KCNIP4: variants seen among roughly 807,000 people sequenced by gnomAD.
The protein encoded by KCNIP4 is potassium voltage-gated channel interacting protein 4, also known as Kv channel-interacting protein 4.
In KCNIP4, 12 loss-of-function variants were observed where a neutral mutation model predicts 34.0. That is an observed-to-expected ratio of 0.35 (90% confidence interval 0.23 to 0.57). The LOEUF (loss-of-function observed/expected upper bound fraction) is 0.57, where lower values mean the gene tolerates loss of function less well. KCNIP4 is among the 20% of genes least tolerant of loss of function. The pLI is 0.83. For synonymous variants in KCNIP4, 124 were observed against 102.2 expected, an observed-to-expected ratio of 1.21 and a Z score of -1.29; for missense variants, 238 against 311.7, an observed-to-expected ratio of 0.76 and a Z score of 1.78.
chr4:20,761,548 A>G (rs1312401910), intron 3 of KCNIP4, among the ~76,000 whole-genome samples: 1 of 152,176 alleles, frequency 6.6e-6, no homozygotes, highest in Non-Finnish European at 1.5e-5. Flanking sequence ...GTAAGGAGAG[A>G]GTAAATACCT....
intron 1 of KCNIP4, among the ~76,000 whole-genome samples, chr4:21,618,734 G>A (rs1224623352): frequency 1.4e-5 from 2 of 144,716 alleles, no homozygotes; most frequent in African/African-American, 5.1e-5. Context: ...CCGGGTGCAC[G>A]CCATTCTCCT....
At chr4:21,560,363 A>G (rs1168053572) in intron 1 of KCNIP4, among the ~76,000 whole-genome samples, 5 of 152,114 alleles carry the variant, frequency 3.3e-5, no homozygotes. Context: ...TTTGCAATTG[A>G]GCCTTATTAA....
chr4:21,035,178 G>C lies in KCNIP4; in HGVS notation c.62-152469C>G, dbSNP rs889118626. ...TCATTTCTGATCTAAATTGCTAGTT[G>C]GTTCTTATTTTAATCTTAAATACAC... is the stretch of plus-strand genomic sequence containing the variant. On this transcript the variant is annotated intron_variant, in intron 1 of 8. Coordinates refer to ENST00000382152, the MANE Select transcript of KCNIP4 (RefSeq NM_025221.6). Among the ~76,000 whole-genome samples, 3 of 152,110 alleles carry C rather than the reference G, an allele frequency of 2.0e-5. 1 individual carries two copies. Among genetic ancestry groups the C allele is most frequent in the South Asian group, 4.1e-4 (2 of 4,830 alleles).
chr4:21,357,747 GA>G (rs1239252992), intron 1 of KCNIP4, among the ~76,000 whole-genome samples: 2 of 152,298 alleles, frequency 1.3e-5, no homozygotes, highest in East Asian at 3.9e-4. Context: ...CAACCATTGT[GA>G]AAGACAGTGT....
At chr4:21,661,118 T>G (rs1748417235) in intron 1 of KCNIP4, among the ~76,000 whole-genome samples, 1 of 152,150 alleles carries the variant, frequency 6.6e-6, no homozygotes, top group South Asian at 2.1e-4. Flanking sequence ...GAAGTTCTTC[T>G]GGGACGACAG....
intron 1 of KCNIP4, among the ~76,000 whole-genome samples, chr4:21,907,239 G>A (rs374559238): frequency 7.0e-4 from 106 of 152,170 alleles, no homozygotes; most frequent in African/African-American, 2.2e-3. Context: ...ATGAGTTCTC[G>A]CTCTTGCAGG....
At chr4:21,351,792 G>T (rs73102139) in intron 1 of KCNIP4, among the ~76,000 whole-genome samples, 80 of 152,076 alleles carry the variant, frequency 5.3e-4, no homozygotes, top group Admixed American at 4.5e-3. Flanking sequence ...CAAGGACAAA[G>T]GTCCCAGAAG....
At chr4:20,731,499 A>G (rs1359456585) in intron 8 of KCNIP4, 2 of 984,796 alleles carry the variant, frequency 2.0e-6, no homozygotes, top group East Asian at 2.3e-4. Context: ...TCCACTGTTT[A>G]TTTTTTGTGA....
At chr4:21,001,009 T>A (rs996796433) in intron 1 of KCNIP4, among the ~76,000 whole-genome samples, 2 of 152,224 alleles carry the variant, frequency 1.3e-5, no homozygotes, top group Admixed American at 1.3e-4. Context: ...TTTTTATTTA[T>A]CTTGTTTTTC....
At chr4:21,214,731 A>G (rs1159819103) in intron 1 of KCNIP4, among the ~76,000 whole-genome samples, 2 of 152,194 alleles carry the variant, frequency 1.3e-5, no homozygotes, top group Non-Finnish European at 2.9e-5. Context: ...CTTAAACCAT[A>G]AAAACCTACA....
At chr4:21,529,028 C>G (rs1651771156) in intron 1 of KCNIP4, among the ~76,000 whole-genome samples, 1 of 152,068 alleles carries the variant, frequency 6.6e-6, no homozygotes, top group Non-Finnish European at 1.5e-5. Context: ...TTGCCCCTTC[C>G]TCCATATTGC....
chr4:21,246,092 T>A (rs1330508744), intron 1 of KCNIP4, among the ~76,000 whole-genome samples: 1 of 152,102 alleles, frequency 6.6e-6, no homozygotes, highest in African/African-American at 2.4e-5. Context: ...CTGCTGCACA[T>A]TAGGCAGATG....
At chr4:21,071,350 T>C (rs1380208988) in intron 1 of KCNIP4, among the ~76,000 whole-genome samples, 1 of 152,222 alleles carries the variant, frequency 6.6e-6, no homozygotes, top group Non-Finnish European at 1.5e-5. Flanking sequence ...GAAAAGATTA[T>C]TATTCCTCCA....
At chr4:21,605,904 G>C (rs150573740) in intron 1 of KCNIP4, among the ~76,000 whole-genome samples, 13 of 152,162 alleles carry the variant, frequency 8.5e-5, no homozygotes, top group African/African-American at 2.7e-4. Context: ...CTGAGTAGAC[G>C]CAAGTTGAGG....
At chr4:21,716,219 C>G (rs374713848) in intron 1 of KCNIP4, among the ~76,000 whole-genome samples, 14 of 152,142 alleles carry the variant, frequency 9.2e-5, no homozygotes, top group African/African-American at 3.1e-4. Flanking sequence ...ATGGGGCCAA[C>G]ATAATAGTCT....
At chr4:21,819,312 C>A (rs1441954105) in intron 1 of KCNIP4, among the ~76,000 whole-genome samples, 1 of 152,190 alleles carries the variant, frequency 6.6e-6, no homozygotes, top group Non-Finnish European at 1.5e-5. Context: ...GCTCCCCAAC[C>A]CTCCCAGCCA....
At chr4:21,679,207 C>T (rs1750150733) in intron 1 of KCNIP4, among the ~76,000 whole-genome samples, 1 of 152,188 alleles carries the variant, frequency 6.6e-6, no homozygotes, top group Admixed American at 6.5e-5. Context: ...AACAAATGCA[C>T]ACTCTAACCT....
At chr4:21,454,135 G>C (rs537295014) in intron 1 of KCNIP4, among the ~76,000 whole-genome samples, 1 of 151,990 alleles carries the variant, frequency 6.6e-6, no homozygotes, top group Admixed American at 6.6e-5. Flanking sequence ...ACAGGGTAAG[G>C]CACCTCTATC....
intron 1 of KCNIP4, among the ~76,000 whole-genome samples, chr4:20,941,055 C>G (rs1731588134): frequency 6.6e-6 from 1 of 152,162 alleles, no homozygotes; most frequent in Admixed American, 6.5e-5. Context: ...TGAGTTAATG[C>G]TTTTAAAATA....
Sources: allele counts gnomAD v4.1 joint callset (sites outside exome capture counted in the v4.1 genomes callset), GRCh38; gene constraint gnomAD v4.1.1; transcripts MANE v1.5; gene names NCBI Gene and HGNC (gene_info 2026-07-23, HGNC 2026-07-21).